MTHFD1: variants seen among roughly 807,000 people sequenced by gnomAD.
MTHFD1 encodes the protein methylenetetrahydrofolate dehydrogenase, cyclohydrolase and formyltetrahydrofolate synthetase 1.
In MTHFD1, 44 loss-of-function variants were observed where a neutral mutation model predicts 110.3. That is an observed-to-expected ratio of 0.40 (90% CI 0.31 to 0.51). The LOEUF (loss-of-function observed/expected upper bound fraction) is 0.51, where lower values mean the gene tolerates loss of function less well. Among genes scored for constraint, MTHFD1 ranks in the 20% least tolerant of loss-of-function variants. MTHFD1 has a pLI of 0.60. For missense variants in MTHFD1, 909 were observed against 1,173.1 expected, an observed-to-expected ratio of 0.77 and a Z score of 3.29; for synonymous variants, 402 against 428.8, an observed-to-expected ratio of 0.94 and a Z score of 0.77.
At chr14:64,453,364 G>GA (rs1334476489) in intron 24 of MTHFD1, among the ~76,000 whole-genome samples, 1 of 152,066 alleles carries the variant, frequency 6.6e-6, no homozygotes, top group African/African-American at 2.4e-5. Context: ...CTGAGGTTGG[G>GA]AGTTCAAGAC....
chr14:64,403,932 G>A (rs1209869017), intron 2 of MTHFD1, among the ~76,000 whole-genome samples: 2 of 152,212 alleles, frequency 1.3e-5, no homozygotes, highest in Non-Finnish European at 2.9e-5. Flanking sequence ...TACTGGGAGT[G>A]TGTGGTAGTG....
rs543377926 is a variant in MTHFD1, at chr14:64,406,661, G to C, written c.127-4429G>C. The stretch of plus-strand genomic sequence containing the variant: ...GCATCCAGCTAATTTTAGTATTTGA[G>C]ACAGAATTTCTCCATATTGCCCAGG... On this transcript the variant is annotated intron_variant, in intron 2 of 27. Transcript: ENST00000652337. Among the ~76,000 whole-genome samples the C allele has an allele frequency of 2.5e-3, 380 of 151,806 alleles. 1 individual carries two copies. Among genetic ancestry groups the C allele is most frequent in the Middle Eastern group, 0.017 (5 of 292 alleles).
chr14:64,400,752 G>C (rs1471961279), intron 1 of MTHFD1, 41 bp from the exon 2 acceptor site: 2 of 1,262,822 alleles, frequency 1.6e-6, no homozygotes, highest in Non-Finnish European at 2.3e-6. Context: ...ATTTGTGCTT[G>C]AAACATTCAG....
At position 64,426,162 on chromosome 14, in the gene MTHFD1, G is replaced by A. The variant is rs540581926; in HGVS notation, c.1097G>A (p.Arg366Gln). The part of the protein sequence containing the change: ...LLSALERLKH[R>Q]PDGKYVVVTG... ...TCAGCACTAGAACGCCTGAAGCACC[G>A]GCCTGATGGGAAATACGTGGTGGTG... Residue 366 changes from arginine (R) to glutamine (Q), a missense_variant, in exon 11 of 28, where the codon CGG (arginine) becomes CAG (glutamine). Arg to Gln is a conservative substitution (Grantham distance 43). Coordinates refer to ENST00000652337, the MANE Select transcript of MTHFD1 (RefSeq NM_005956.4). 11 of 1,614,122 alleles carry A rather than the reference G, an allele frequency of 6.8e-6. No individual in the cohort carries two copies. Among genetic ancestry groups the A allele is most frequent in the South Asian group, 1.1e-5 (1 of 91,072 alleles).
chr14:64,438,105 T>TGC (rs910641094), intron 16 of MTHFD1, among the ~76,000 whole-genome samples: 13 of 152,198 alleles, frequency 8.5e-5, no homozygotes, highest in African/African-American at 3.1e-4. Flanking sequence ...ACTTTTGACC[T>TGC]CAGGTGATCT....
chr14:64,397,161 ATATATATATATATATATATATATATATAT>A (rs2077860304), intron 1 of MTHFD1, among the ~76,000 whole-genome samples: 1 of 14,992 alleles, frequency 6.7e-5, no homozygotes, highest in African/African-American at 3.4e-4. Context: ...ATATATATAT[ATATATATATATATATATATATATATATAT>A]AAAAAACAGT....
intron 15 of MTHFD1, among the ~76,000 whole-genome samples, chr14:64,432,234 C>T (rs988774651): frequency 2.6e-5 from 4 of 152,152 alleles, no homozygotes; most frequent in African/African-American, 9.7e-5. Flanking sequence ...GCTTACTTGT[C>T]TGTAAAATAA....
intron 26 of MTHFD1, chr14:64,457,983 T>C (rs1480356927): frequency 3.4e-6 from 2 of 592,566 alleles, no homozygotes; most frequent in Non-Finnish European, 6.0e-6. Context: ...CTCAACCTCC[T>C]AGCCTCAAGC....
chr14:64,433,117 G>T (rs2078173565), intron 15 of MTHFD1, among the ~76,000 whole-genome samples: 1 of 151,750 alleles, frequency 6.6e-6, no homozygotes, highest in African/African-American at 2.4e-5. Context: ...AAATTTATTG[G>T]TTGGTTGTTT....
intron 8 of MTHFD1, among the ~76,000 whole-genome samples, chr14:64,423,951 T>C (rs759199824): frequency 6.6e-6 from 1 of 151,968 alleles, no homozygotes; most frequent in Non-Finnish European, 1.5e-5. Flanking sequence ...ATGGTCTTGA[T>C]CTCCTGATCT....
At chr14:64,439,843 A>C (rs1201628178) in intron 17 of MTHFD1, among the ~76,000 whole-genome samples, 1 of 150,926 alleles carries the variant, frequency 6.6e-6, no homozygotes, top group Non-Finnish European at 1.5e-5. Flanking sequence ...GCATTGAGCC[A>C]AGATTGTGCC....
At chr14:64,419,735 A>T in intron 7 of MTHFD1, 79 bp from the exon 8 acceptor site, 3 of 927,822 alleles carry the variant, frequency 3.2e-6, no homozygotes, top group Non-Finnish European at 5.3e-6. Flanking sequence ...AAGCTCAGGG[A>T]TATCCTTTTC....
intron 1 of MTHFD1, among the ~76,000 whole-genome samples, chr14:64,396,799 T>C (rs1394121235): frequency 6.6e-6 from 1 of 151,468 alleles, no homozygotes; most frequent in Non-Finnish European, 1.5e-5. Context: ...ACATTTGTGT[T>C]CTGCATTTTA....
At chr14:64,438,881 A>G (rs548663605) in intron 16 of MTHFD1, among the ~76,000 whole-genome samples, 4 of 152,376 alleles carry the variant, frequency 2.6e-5, no homozygotes. Context: ...AAACCAAGCC[A>G]TTCCACATTC....
intron 27 of MTHFD1, chr14:64,458,643 T>C (rs79790885): frequency 2.6e-6 from 1 of 382,924 alleles, no homozygotes; most frequent in African/African-American, 2.1e-5. Flanking sequence ...GGGTTCAGAG[T>C]TGATGACACA....
At chr14:64,453,439 C>T (rs969306756) in intron 24 of MTHFD1, among the ~76,000 whole-genome samples, 56 of 152,156 alleles carry the variant, frequency 3.7e-4, no homozygotes, top group African/African-American at 1.1e-3. Flanking sequence ...GGCTTGGTTG[C>T]GCATGCCTAT....
intron 26 of MTHFD1, chr14:64,455,097 T>C (rs952015264): frequency 3.1e-5 from 17 of 550,934 alleles, no homozygotes; most frequent in Admixed American, 2.1e-4. Context: ...ATGCCAGGAC[T>C]ACTCATACTG....
intron 1 of MTHFD1, among the ~76,000 whole-genome samples, chr14:64,397,493 C>T (rs575340530): frequency 6.6e-6 from 1 of 152,084 alleles, no homozygotes; most frequent in East Asian, 1.9e-4. Context: ...CGGGGTTTCA[C>T]CATATTGGCC....
chr14:64,427,245 C>T lies in MTHFD1; in HGVS notation c.1128-92C>T, dbSNP rs527707921. On this transcript the variant is annotated intron_variant, in intron 11 of 27. Coordinates refer to ENST00000652337, the MANE Select transcript of MTHFD1 (RefSeq NM_005956.4). ...TTTGTCTTTCTTAATCTTTAGATTA[C>T]GAGTCATTCTCTAGGATCTGCTAGG... The T allele has an allele frequency of 2.9e-5, 40 of 1,402,354 alleles. No individual in the cohort carries two copies. The Middle Eastern group carries it at 7.3e-4, about 26-fold the overall frequency. The allele number at this position is 1,402,354 out of a possible 1,614,324, so 86.9% of individuals were successfully genotyped here. A position where few individuals can be genotyped will look rare whatever the true frequency, so the allele number is the denominator to read the frequency against.
Sources: allele counts gnomAD v4.1 joint callset (sites outside exome capture counted in the v4.1 genomes callset), GRCh38; gene constraint gnomAD v4.1.1; transcripts MANE v1.5; gene names NCBI Gene and HGNC (gene_info 2026-07-23, HGNC 2026-07-21).